The following JMY variants were observed in gnomAD, a reference collection of about 807,000 sequenced individuals.
JMY encodes junction mediating and regulatory protein, p53 cofactor, also known as junction-mediating and -regulatory protein.
Under a neutral mutation model 103.3 loss-of-function variants are expected in JMY, and 46 were observed. The ratio of observed to expected loss-of-function variants is 0.45; its 90% CI spans 0.35 to 0.57. The LOEUF is 0.57. JMY is among the 20% of genes least tolerant of loss of function. JMY has a pLI of 0.00. For synonymous variants in JMY, 526 were observed against 489.3 expected, an observed-to-expected ratio of 1.07 and a Z score of -0.99; for missense variants, 1,238 against 1,255.2, an observed-to-expected ratio of 0.99 and a Z score of 0.21.
rs188670525 is a variant in JMY, at chr5:79,291,606, G to C, written c.1527+307G>C. On this transcript the variant is annotated intron_variant, in intron 4 of 10. Coordinates refer to ENST00000396137, the MANE Select transcript of JMY (RefSeq NM_152405.5). Reference sequence around the variant, plus strand: ...CGTAAAGCTTTCCAGCAATTATTAAGAAAGTATCACTGACCAGAGAAATTC... The same window carrying C: ...CGTAAAGCTTTCCAGCAATTATTAACAAAGTATCACTGACCAGAGAAATTC... 1.1e-4 allele frequency among the ~76,000 whole-genome samples: 16 copies of C among 152,318 alleles called. No individual in the cohort carries two copies. The East Asian group carries it at 2.7e-3, about 26-fold the overall frequency.
chr5:79,318,674 T>C (rs1035691742), intron 10 of JMY, among the ~76,000 whole-genome samples: 66 of 151,980 alleles, frequency 4.3e-4, no homozygotes, highest in African/African-American at 1.4e-3. Context: ...ATGACTTATG[T>C]TTTTGGATCC....
At chr5:79,316,457 G>T in intron 10 of JMY, 147 bp downstream of exon 10, 1 of 598,932 alleles carries the variant, frequency 1.7e-6, no homozygotes, top group South Asian at 2.7e-5. Flanking sequence ...ATGAACTTCA[G>T]GTTTTACTTA....
chr5:79,241,158 G>A (rs1439484593), intron 1 of JMY, among the ~76,000 whole-genome samples: 2 of 152,018 alleles, frequency 1.3e-5, no homozygotes, highest in African/African-American at 2.4e-5. Flanking sequence ...TTAGTAAGTT[G>A]TTGAACTTTT....
At chr5:79,278,414 C>T (rs6874525) in intron 2 of JMY, among the ~76,000 whole-genome samples, 80,096 of 151,010 alleles carry the variant, frequency 0.53, 21,854 homozygotes, top group Non-Finnish European at 0.62. Context: ...CATGTCTCCT[C>T]TTTAATGTTT....
At chr5:79,242,364 C>T (rs1347038636) in intron 1 of JMY, among the ~76,000 whole-genome samples, 4 of 152,116 alleles carry the variant, frequency 2.6e-5, no homozygotes, top group African/African-American at 7.2e-5. Flanking sequence ...GAGAAAGGGC[C>T]TAACAAAGTG....
chr5:79,256,290 G>T (rs754243367), intron 1 of JMY, among the ~76,000 whole-genome samples: 7 of 152,182 alleles, frequency 4.6e-5, no homozygotes, highest in Non-Finnish European at 5.9e-5. Context: ...GGTGAATGTT[G>T]CCTGGCCTGG....
At chr5:79,286,684 C>T (rs556695375) in intron 2 of JMY, among the ~76,000 whole-genome samples, 1 of 151,018 alleles carries the variant, frequency 6.6e-6, no homozygotes, top group Non-Finnish European at 1.5e-5. Context: ...ACTTTTCTTT[C>T]GATAAATGGT....
At position 79,277,961 on chromosome 5, in the gene JMY, T is replaced by C. The variant is rs61730052; in HGVS notation, c.1084T>C (p.Tyr362His). The change falls in exon 2 of 11, where the codon TAT (tyrosine) becomes CAT (histidine). Residue 362 changes from tyrosine (Y) to histidine (H), a missense_variant. Physicochemically the swap from Tyr to His is moderately conservative, Grantham distance 83. Coordinates refer to ENST00000396137, the MANE Select transcript of JMY (RefSeq NM_152405.5). ...TESMVELLDLYQMEDEAYSSL... is the reference protein window; with the variant it reads ...TESMVELLDLHQMEDEAYSSL... ...GAGCATGGTGGAGCTTCTGGACTTG[T>C]ATCAGATGGAGGATGAAGCCTACAG... is the stretch of plus-strand genomic sequence containing the variant. 6.4e-5 allele frequency: 104 copies of C among 1,613,944 alleles called. No individual in the cohort carries two copies. Among genetic ancestry groups the C allele is most frequent in the Non-Finnish European group, 1.1e-5 (13 of 1,179,978 alleles).
At chr5:79,244,941 A>G (rs1395780004) in intron 1 of JMY, among the ~76,000 whole-genome samples, 1 of 152,032 alleles carries the variant, frequency 6.6e-6, no homozygotes, top group Non-Finnish European at 1.5e-5. Context: ...TAAGTTATTA[A>G]ACTGCATAGG....
chr5:79,257,858 G>T (rs1052809054), intron 1 of JMY, among the ~76,000 whole-genome samples: 9 of 152,012 alleles, frequency 5.9e-5, no homozygotes, highest in African/African-American at 2.2e-4. Flanking sequence ...TGCCTCCTGT[G>T]TTCAAGCAAT....
chr5:79,275,451 G>T (rs1285006262), intron 1 of JMY, among the ~76,000 whole-genome samples: 1 of 152,114 alleles, frequency 6.6e-6, no homozygotes, highest in Non-Finnish European at 1.5e-5. Context: ...GTGAGCCACC[G>T]TGCCTGGCAA....
Position 79,291,284 on chromosome 5 carries a change from T to G in JMY, c.1512T>G (p.His504Gln). Residue 504 changes from histidine (H) to glutamine (Q), a missense_variant, in exon 4 of 11, where the codon CAT becomes CAG. Physicochemically the swap from His to Gln is conservative, Grantham distance 24. Coordinates refer to ENST00000396137, the MANE Select transcript of JMY (RefSeq NM_152405.5). ...AGATATGCTTGGAACAGCGGAAACA[T>G]GCACTAAAGGAAGAGGTAACAAAAA... ...AKEICLEQRKHALKEEMQSLR... is the reference protein window; with the variant it reads ...AKEICLEQRKQALKEEMQSLR... The G allele has an allele frequency of 6.4e-7, 1 of 1,569,972 alleles. No individual in the cohort carries two copies. Among genetic ancestry groups the G allele is most frequent in the Non-Finnish European group, 8.6e-7 (1 of 1,161,764 alleles).
chr5:79,259,172 A>C (rs1745343186), intron 1 of JMY, among the ~76,000 whole-genome samples: 1 of 152,102 alleles, frequency 6.6e-6, no homozygotes, highest in Non-Finnish European at 1.5e-5. Context: ...TCTGCTGGGC[A>C]GGTCATCCCG....
intron 7 of JMY, among the ~76,000 whole-genome samples, chr5:79,307,839 A>G (rs909196252): frequency 2.0e-5 from 3 of 152,216 alleles, no homozygotes; most frequent in South Asian, 4.1e-4. Context: ...CCTGGGTTCA[A>G]GCAATTCTCC....
At position 79,282,063 on chromosome 5, in the gene JMY, C is replaced by T. The variant is rs146316753; in HGVS notation, c.1206+3980C>T. 6.4e-3 allele frequency among the ~76,000 whole-genome samples: 971 copies of T among 152,036 alleles called. 8 individuals carry two copies. Among genetic ancestry groups the T allele is most frequent in the African/African-American group, 0.02 (830 of 41,478 alleles). ...TACTAAAAATACAAAAAAAATTGGCCGGGCATGGTGGTGGCCACCTGTAGT... is the reference window on the plus strand; with the variant it reads ...TACTAAAAATACAAAAAAAATTGGCTGGGCATGGTGGTGGCCACCTGTAGT... On this transcript the variant is annotated intron_variant, in intron 2 of 10. Transcript: ENST00000396137.
chr5:79,270,087 T>C (rs1745699959), intron 1 of JMY, among the ~76,000 whole-genome samples: 1 of 151,822 alleles, frequency 6.6e-6, no homozygotes. Flanking sequence ...GACAAATAGG[T>C]CATCTGCAAG....
intron 1 of JMY, 45 bp downstream of exon 1, chr5:79,237,727 G>A (rs1442421255): frequency 1.3e-6 from 2 of 1,540,904 alleles, no homozygotes; most frequent in Non-Finnish European, 1.8e-6. Flanking sequence ...GTCGCTTTTG[G>A]TTTACTGGCC....
In JMY at chr5:79,291,221, A is replaced by G. The variant is rs775231137; in HGVS notation, c.1449A>G (p.Ala483=). 2 of 1,613,676 alleles carry G rather than the reference A, an allele frequency of 1.2e-6. No individual in the cohort carries two copies. Among genetic ancestry groups the G allele is most frequent in the South Asian group, 1.1e-5 (1 of 90,876 alleles). The change falls in exon 4 of 11, where the codon GCA becomes GCG. Residue 483 remains alanine (A), a synonymous_variant. Transcript: ENST00000396137. ...AACGGATGGAAAAACTCCAGTATGCAGTTTCTAAGGAAACTTTGCAGATGA... is the reference window on the plus strand; with the variant it reads ...AACGGATGGAAAAACTCCAGTATGCGGTTTCTAAGGAAACTTTGCAGATGA... ...AAERMEKLQY[A]VSKETLQMMR...
At chr5:79,269,427 T>C (rs1745676826) in intron 1 of JMY, among the ~76,000 whole-genome samples, 1 of 152,330 alleles carries the variant, frequency 6.6e-6, no homozygotes, top group African/African-American at 2.4e-5. Context: ...CTGAGTCTTT[T>C]CACCTCTGTA....
Sources: allele counts gnomAD v4.1 joint callset (sites outside exome capture counted in the v4.1 genomes callset), GRCh38; gene constraint gnomAD v4.1.1; transcripts MANE v1.5; gene names NCBI Gene and HGNC (gene_info 2026-07-23, HGNC 2026-07-21).